The following DIAPH2 variants were observed in gnomAD, a reference collection of about 807,000 sequenced individuals.
DIAPH2 encodes the protein protein diaphanous homolog 2.
Under a neutral mutation model 92.7 loss-of-function variants are expected in DIAPH2, and 35 were observed. That is an observed-to-expected ratio of 0.38 (90% confidence interval 0.29 to 0.50). DIAPH2 has a LOEUF of 0.50. Among genes scored for constraint, DIAPH2 ranks in the 20% least tolerant of loss-of-function variants. The probability of loss-of-function intolerance (pLI) is 0.94; values close to 1 mark genes in which losing one functional copy is unlikely to be tolerated. For missense variants in DIAPH2, 701 were observed against 819.5 expected (o/e 0.86, Z 1.77); for synonymous variants, 301 against 280.4 (o/e 1.07, Z -0.73).
At chrX:96,975,045 T>A (rs1318083189) in intron 17 of DIAPH2, among the ~76,000 whole-genome samples, 2 of 111,450 alleles carry the variant, frequency 1.8e-5, no homozygotes, top group African/African-American at 6.5e-5. Context: ...AATAATATAT[T>A]TCTATAGTGA....
intron 23 of DIAPH2, among the ~76,000 whole-genome samples, chrX:97,336,412 A>AT (rs1286025796): frequency 1.5e-3 from 149 of 102,378 alleles, no homozygotes; most frequent in African/African-American, 4.5e-3. Context: ...CGCCCGGCTA[A>AT]TTTTTTTTTT....
chrX:97,416,938 G>T (rs1180723141), intron 25 of DIAPH2, among the ~76,000 whole-genome samples: 1 of 112,327 alleles, frequency 8.9e-6, no homozygotes, highest in East Asian at 2.8e-4. Context: ...GGCAGGGGAA[G>T]TGAGTGGTGC....
chrX:96,813,543 T>C (rs1402847892), intron 4 of DIAPH2, among the ~76,000 whole-genome samples: 1 of 111,657 alleles, frequency 9.0e-6, no homozygotes, highest in African/African-American at 3.3e-5. Context: ...ATTATTGTTA[T>C]GTGTGAATTT....
At chrX:96,736,346 A>G (rs774695647) in intron 2 of DIAPH2, among the ~76,000 whole-genome samples, 3 of 111,241 alleles carry the variant, frequency 2.7e-5, no homozygotes, top group African/African-American at 9.8e-5. Context: ...TTTACAAATA[A>G]TTTAAAGTAG....
At chrX:97,488,118 C>T (rs2070701735) in intron 26 of DIAPH2, among the ~76,000 whole-genome samples, 1 of 111,825 alleles carries the variant, frequency 8.9e-6, no homozygotes, top group East Asian at 2.8e-4. Flanking sequence ...CTCAGCCTCC[C>T]GAGTAGCTGG....
At chrX:97,496,613 G>A (rs1276762425) in intron 26 of DIAPH2, among the ~76,000 whole-genome samples, 1 of 108,911 alleles carries the variant, frequency 9.2e-6, no homozygotes, top group Non-Finnish European at 1.9e-5. Context: ...ACACAGATTG[G>A]TTCTTCCATG....
intron 22 of DIAPH2, among the ~76,000 whole-genome samples, chrX:97,190,166 A>G (rs2067640988): frequency 8.9e-6 from 1 of 112,790 alleles, no homozygotes; most frequent in African/African-American, 3.2e-5. Context: ...ATTCTTTGTG[A>G]ATTCATGGCA....
intron 23 of DIAPH2, among the ~76,000 whole-genome samples, chrX:97,330,574 G>A (rs376056169): frequency 3.5e-4 from 38 of 107,412 alleles, no homozygotes; most frequent in East Asian, 3.2e-3. Context: ...GTGCAGTGGT[G>A]CAATCTTGGC....
chrX:96,897,913 C>A (rs1439236191), intron 5 of DIAPH2, among the ~76,000 whole-genome samples: 1 of 69,343 alleles, frequency 1.4e-5, no homozygotes, highest in Non-Finnish European at 2.7e-5. Flanking sequence ...GTGTGATGTT[C>A]CCCTTCCTGT....
At chrX:97,219,550 T>C (rs1436164461) in intron 22 of DIAPH2, among the ~76,000 whole-genome samples, 3 of 112,128 alleles carry the variant, frequency 2.7e-5, no homozygotes. Flanking sequence ...ATAAGTGCTA[T>C]AATGTTGCCA....
chrX:97,310,725 C>T (rs113728831), intron 23 of DIAPH2, among the ~76,000 whole-genome samples: 1,378 of 111,292 alleles, frequency 0.012, 13 homozygotes, highest in Non-Finnish European at 0.019. Context: ...ATGGATCTGC[C>T]GGGTGTGGTG....
At chrX:97,590,142 A>G (rs1185098139) in intron 26 of DIAPH2, among the ~76,000 whole-genome samples, 1 of 111,962 alleles carries the variant, frequency 8.9e-6, no homozygotes. Flanking sequence ...TTTTATCAAA[A>G]TCATAGGCAG....
rs192197298 is a variant in DIAPH2, at chrX:97,544,815, C to T, written c.3242-54438C>T. 6.3e-5 allele frequency among the ~76,000 whole-genome samples: 7 copies of T among 111,648 alleles called. No homozygotes were observed. In the East Asian group the frequency reaches 1.1e-3, roughly 18 times the overall value. On this transcript the variant is annotated intron_variant, in intron 26 of 26. Coordinates refer to ENST00000324765, the MANE Select transcript of DIAPH2 (RefSeq NM_006729.5). Reference sequence around the variant, plus strand: ...TTTTCATCTTAGAAAGGCAAGTTAACGTATTTTTAAAGAGGTTTAAGAAGG... The same window carrying T: ...TTTTCATCTTAGAAAGGCAAGTTAATGTATTTTTAAAGAGGTTTAAGAAGG...
intron 25 of DIAPH2, among the ~76,000 whole-genome samples, chrX:97,408,368 C>T (rs764599857): frequency 5.4e-5 from 6 of 111,184 alleles, no homozygotes; most frequent in East Asian, 2.8e-4. Flanking sequence ...TTTTAGTATA[C>T]CATCTTCTTT....
intron 4 of DIAPH2, among the ~76,000 whole-genome samples, chrX:96,876,477 A>C (rs1366644021): frequency 2.7e-5 from 3 of 111,980 alleles, no homozygotes; most frequent in Admixed American, 1.9e-4. Flanking sequence ...TTATTGTGGC[A>C]CTATTCACAA....
At chrX:97,531,817 C>T (rs757864471) in intron 26 of DIAPH2, among the ~76,000 whole-genome samples, 7 of 112,219 alleles carry the variant, frequency 6.2e-5, no homozygotes, top group Non-Finnish European at 1.3e-4. Flanking sequence ...ATACATTTTA[C>T]GTGTCCTAAA....
chrX:96,855,571 G>C (rs1170088785), intron 4 of DIAPH2, among the ~76,000 whole-genome samples: 1 of 108,388 alleles, frequency 9.2e-6, no homozygotes, highest in Non-Finnish European at 1.9e-5. Flanking sequence ...TATAGATATA[G>C]ATATAAATAT....
chrX:96,944,566 T>C (rs2065726611), intron 13 of DIAPH2, among the ~76,000 whole-genome samples: 1 of 112,146 alleles, frequency 8.9e-6, no homozygotes, highest in Non-Finnish European at 1.9e-5. Flanking sequence ...CTCTTACTAG[T>C]TACATTTTAT....
chrX:96,744,426 A>C (rs928559528), intron 3 of DIAPH2, among the ~76,000 whole-genome samples: 2 of 112,447 alleles, frequency 1.8e-5, no homozygotes, highest in African/African-American at 6.5e-5. Context: ...GGTACATAAA[A>C]ATCTAAAACA....
Sources: gnomAD v4.1 joint callset for allele counts (sites outside exome capture counted in the v4.1 genomes callset) on GRCh38, gnomAD v4.1.1 for gene constraint, MANE v1.5 for transcripts, NCBI Gene and HGNC (gene_info 2026-07-23, HGNC 2026-07-21) for gene names.